GIGYF1: variants seen among roughly 807,000 people sequenced by gnomAD.
The protein encoded by GIGYF1 is GRB10-interacting GYF protein 1.
A neutral mutation model predicts 147.1 loss-of-function variants in GIGYF1; 84 were observed. That is an observed-to-expected ratio of 0.57 (90% CI 0.48 to 0.68). GIGYF1 has a LOEUF of 0.68. Among genes scored for constraint, GIGYF1 ranks in the 30% least tolerant of loss-of-function variants. The pLI, the probability that GIGYF1 is intolerant of heterozygous loss-of-function variation, is 0.00. For missense variants in GIGYF1, 1,485 were observed against 1,393.7 expected (o/e 1.07, Z -1.04); for synonymous variants, 752 against 589.5 (o/e 1.28, Z -3.99).
At position 100,682,638 on chromosome 7, in the gene GIGYF1, A is replaced by C; in HGVS notation, c.2552T>G (p.Leu851Arg). Residue 851 changes from leucine to arginine, a missense_variant, in exon 23 of 27, where the codon CTG becomes CGG. Leu to Arg is a moderately radical substitution (Grantham distance 102, BLOSUM62 -2). Transcript: ENST00000678049. ...WEDTPKSGGS[L>R]VRGLGLKNSR... is the part of the protein sequence containing the mutation. The stretch of plus-strand genomic sequence containing the variant: ...GTTCTTCAGGCCGAGGCCACGGACC[A>C]GGCTCCCGCCGCTCTTGGGGGTGTC... The C allele has an allele frequency of 1.3e-6, 2 of 1,598,088 alleles. No individual in the cohort carries two copies. Among genetic ancestry groups the C allele is most frequent in the South Asian group, 2.2e-5 (2 of 89,718 alleles).
intron 12 of GIGYF1, 61 bp downstream of exon 12, chr7:100,685,913 G>A: frequency 1.4e-6 from 2 of 1,431,688 alleles, no homozygotes; most frequent in East Asian, 2.3e-5. Context: ...GCCCAGCCCG[G>A]CAAAGAACAC....
At position 100,688,127 on chromosome 7, in the gene GIGYF1, G is replaced by C; in HGVS notation, c.36-17C>G. The C allele has an allele frequency of 6.2e-7, 1 of 1,605,830 alleles. No homozygotes were observed. Among genetic ancestry groups the C allele is most frequent in the Non-Finnish European group, 8.5e-7 (1 of 1,174,812 alleles). Reference sequence around the variant, plus strand: ...GCCCTGAGCCTGGACACAACACAGAGAGAAGAAGACAGAGGTCAGGGCAGC... The same window carrying C: ...GCCCTGAGCCTGGACACAACACAGACAGAAGAAGACAGAGGTCAGGGCAGC... On this transcript the variant is annotated splice_polypyrimidine_tract_variant and intron_variant, in intron 4 of 26. Transcript: ENST00000678049.
At chr7:100,692,405 C>A (rs1805895525) in intron 1 of GIGYF1, among the ~76,000 whole-genome samples, 1 of 152,250 alleles carries the variant, frequency 6.6e-6, no homozygotes. Flanking sequence ...GCTGCTCCGA[C>A]AGCGTGCCCC....
In GIGYF1 at chr7:100,681,518, A is replaced by ATTTTTTTTTT; in HGVS notation, c.*200_*201insAAAAAAAAAA. 2.4e-6 allele frequency: 1 copy of ATTTTTTTTTT among 424,898 alleles called. No individual in the cohort carries two copies. The highest frequency in any genetic ancestry group is 4.1e-6 in the Non-Finnish European group (1 of 242,616). The allele number at this position is 424,898 out of a possible 1,614,324, so 26.3% of individuals were successfully genotyped here. ...TCGTTTAAAATTAAAAAAAAAAATA[A>ATTTTTTTTTT]AAAGAAAAACCCCCTCCCCCAGTCT... On this transcript the variant is annotated 3_prime_UTR_variant, in exon 27 of 27. Coordinates refer to ENST00000678049, the MANE Select transcript of GIGYF1 (RefSeq NM_001375765.1).
chr7:100,679,893 A>T lies in GIGYF1; in HGVS notation c.*1826T>A, dbSNP rs372377459. 6.6e-6 allele frequency: 1 copy of T among 152,540 alleles called. No homozygotes were observed. The highest frequency in any genetic ancestry group is 2.4e-5 in the African/African-American group (1 of 41,380). 9.4% of individuals were successfully genotyped at this position (152,540 alleles called of 1,614,324 possible). A position where few individuals can be genotyped will look rare whatever the true frequency, so the allele number is the denominator to read the frequency against. ...TTAGCTGGGGAGAAGAGACAGGAAG[A>T]GTGTCCCCCTTCCCCTGCATTGGCT... is the stretch of plus-strand genomic sequence containing the variant. On this transcript the variant is annotated 3_prime_UTR_variant, in exon 27 of 27. Coordinates refer to ENST00000678049, the MANE Select transcript of GIGYF1 (RefSeq NM_001375765.1).
In GIGYF1 at chr7:100,687,282, C is replaced by G. The variant is rs776575692; in HGVS notation, c.482+16G>C. ...TGGCCTGCCCGGCTCTGCGCCATGC[C>G]CCCTCCCCGCCCCACCTGTCATCCC... On this transcript the variant is annotated intron_variant, in intron 8 of 26. Coordinates refer to ENST00000678049, the MANE Select transcript of GIGYF1 (RefSeq NM_001375765.1). 3 of 1,608,320 alleles carry G rather than the reference C, an allele frequency of 1.9e-6. No homozygotes were observed. The highest frequency in any genetic ancestry group is 2.7e-5 in the African/African-American group (2 of 74,844).
intron 17 of GIGYF1, 32 bp downstream of exon 17, chr7:100,684,205 C>A (rs374063715): frequency 3.1e-6 from 5 of 1,609,802 alleles, no homozygotes; most frequent in East Asian, 4.5e-5. Flanking sequence ...CAGCGCCGGG[C>A]CTTCTCCCAG....
At position 100,684,746 on chromosome 7, in the gene GIGYF1, T is replaced by C. The variant is rs1015249409; in HGVS notation, c.1439A>G (p.Lys480Arg). 2.5e-6 allele frequency: 4 copies of C among 1,612,266 alleles called. No individual in the cohort carries two copies. Among genetic ancestry groups the C allele is most frequent in the African/African-American group, 2.7e-5 (2 of 75,010 alleles). Reference sequence around the variant, plus strand: ...ACCTTGGATCTCGCCCTGTGGGTCCTTGTAGAACCACTTCCGGGCAGCCCC... The same window carrying C: ...ACCTTGGATCTCGCCCTGTGGGTCCCTGTAGAACCACTTCCGGGCAGCCCC... ...SHGAARKWFY[K>R]DPQGEIQGPF... Residue 480 changes from lysine (K) to arginine (R), a missense_variant, in exon 15 of 27, where the codon AAG becomes AGG. Coordinates refer to ENST00000678049, the MANE Select transcript of GIGYF1 (RefSeq NM_001375765.1).
Position 100,681,094 on chromosome 7 carries a change from C to T in GIGYF1, c.*625G>A, listed in dbSNP as rs972006546. On this transcript the variant is annotated 3_prime_UTR_variant, in exon 27 of 27. Transcript: ENST00000678049. The stretch of plus-strand genomic sequence containing the variant: ...CGAAGCCAAGGGGCTACTTTGGCCC[C>T]ACCCCGGACACCTCAGCCAGCCTCA... 6.5e-6 allele frequency: 1 copy of T among 152,754 alleles called. No homozygotes were observed. The highest frequency in any genetic ancestry group is 2.1e-4 in the South Asian group (1 of 4,838). The allele number at this position is 152,754 out of a possible 1,614,324, so 9.5% of individuals were successfully genotyped here.
At chr7:100,684,970 G>C (rs1805175037) in intron 14 of GIGYF1, 76 bp from the exon 15 acceptor site, 5 of 1,557,314 alleles carry the variant, frequency 3.2e-6, no homozygotes, top group Non-Finnish European at 4.3e-6. Context: ...GATGGAGCTT[G>C]AGCTGGGGCC....
Position 100,683,044 on chromosome 7 carries a change from G to T in GIGYF1, c.2380C>A (p.Pro794Thr). 6.4e-7 allele frequency: 1 copy of T among 1,562,642 alleles called. No homozygotes were observed. Among genetic ancestry groups the T allele is most frequent in the African/African-American group, 1.3e-5 (1 of 74,220 alleles). ...TGGTTGGGGGCCTGGGCCCGAGCTG[G>T]CTCCCGAGGTGGGGGCTGTTTGTGC... is the stretch of plus-strand genomic sequence containing the variant. The part of the protein sequence containing the change: ...QLHKQPPPRE[P>T]ARAQAPNHRV... The change falls in exon 22 of 27, where the codon CCA (proline) becomes ACA (threonine). Residue 794 changes from proline to threonine, a missense_variant. Transcript: ENST00000678049.
At chr7:100,682,034 G>A (rs1393616813) in intron 25 of GIGYF1, 38 bp downstream of exon 25, 3 of 1,610,870 alleles carry the variant, frequency 1.9e-6, no homozygotes, top group Non-Finnish European at 1.7e-6. Flanking sequence ...GGAGGCACCA[G>A]GCAAGCCCAC....
chr7:100,683,093 C>T lies in GIGYF1; in HGVS notation c.2331G>A (p.Leu777=), dbSNP rs1804948333. ...QGLSMKTLLE[L]QLEGERQLHK... ...GCAGCTGCCGCTCGCCCTCCAGCTG[C>T]AACTCCAGGAGCGTCTTCATGGACA... is the stretch of plus-strand genomic sequence containing the variant. Residue 777 remains leucine, a synonymous_variant, in exon 22 of 27, where the codon TTG becomes TTA. Coordinates refer to ENST00000678049, the MANE Select transcript of GIGYF1 (RefSeq NM_001375765.1). The T allele has an allele frequency of 6.3e-7, 1 of 1,588,838 alleles. No individual in the cohort carries two copies. Among genetic ancestry groups the T allele is most frequent in the Non-Finnish European group, 8.5e-7 (1 of 1,172,988 alleles).
Position 100,688,079 on chromosome 7 carries a change from C to A in GIGYF1, c.67G>T (p.Ala23Ser). 7 of 1,610,734 alleles carry A rather than the reference C, an allele frequency of 4.3e-6. No homozygotes were observed. The highest frequency in any genetic ancestry group is 4.5e-5 in the East Asian group (2 of 44,822). ...LRALSGGGSVASPPPSPAMPK... is the reference protein window; with the variant it reads ...LRALSGGGSVSSPPPSPAMPK... The stretch of plus-strand genomic sequence containing the variant: ...ATGGCAGGGGACGGGGGTGGGGAGG[C>A]CACGCTGCCGCCCCCGGACAGGGCC... Residue 23 changes from alanine (A) to serine (S), a missense_variant, in exon 5 of 27, where the codon GCC becomes TCC. By Grantham distance (99) the Ala-to-Ser change is moderately conservative. Coordinates refer to ENST00000678049, the MANE Select transcript of GIGYF1 (RefSeq NM_001375765.1).
chr7:100,692,406 A>C (rs930924219), intron 1 of GIGYF1, among the ~76,000 whole-genome samples: 1 of 152,234 alleles, frequency 6.6e-6, no homozygotes, highest in Non-Finnish European at 1.5e-5. Context: ...CTGCTCCGAC[A>C]GCGTGCCCCG....
chr7:100,683,260 G>C (rs1376813877), intron 21 of GIGYF1, 30 bp from the exon 22 acceptor site: 1 of 1,613,238 alleles, frequency 6.2e-7, no homozygotes. Flanking sequence ...AGGGGACCTG[G>C]CGAGGGTTGT....
At position 100,690,738 on chromosome 7, in the gene GIGYF1, C is replaced by T. The variant is rs577480148; in HGVS notation, c.-1098-1183G>A. ...CGGAGGTTGCAGTGAGCTGAGATTG[C>T]GCCCCTGCACTCCAGCCTGGGCAAC... On this transcript the variant is annotated intron_variant, in intron 1 of 26. Coordinates refer to ENST00000678049, the MANE Select transcript of GIGYF1 (RefSeq NM_001375765.1). Among the ~76,000 whole-genome samples, 17 of 149,946 alleles carry T rather than the reference C, an allele frequency of 1.1e-4. No homozygotes were observed. The East Asian group carries it at 2.9e-3, about 26-fold the overall frequency.
rs757155032 is a variant in GIGYF1, at chr7:100,684,091, C to CGGT, written c.1794_1796dup (p.Pro602dup). 284 of 1,606,184 alleles carry CGGT rather than the reference C, an allele frequency of 1.8e-4. No individual in the cohort carries two copies. Among genetic ancestry groups the CGGT allele is most frequent in the Admixed American group, 2.3e-4 (14 of 59,870 alleles). On this transcript the variant is annotated inframe_insertion, in exon 18 of 27. Transcript: ENST00000678049. Reference sequence around the variant, plus strand: ...GCTGCTGCTGCTGCTGTGGCGGCGGCGGTGGTGGCGGTGTCAGGTCCCCCA... The same window carrying CGGT: ...GCTGCTGCTGCTGCTGTGGCGGCGGCGGTGGTGGTGGCGGTGTCAGGTCCCCCA...
chr7:100,684,294 G>A lies in GIGYF1; in HGVS notation c.1673C>T (p.Ala558Val). 1 of 1,603,624 alleles carries A rather than the reference G, an allele frequency of 6.2e-7. No homozygotes were observed. The highest frequency in any genetic ancestry group is 8.5e-7 in the Non-Finnish European group (1 of 1,176,058). ...QERLKKQQEL[A>V]AAALYQQLQH... The stretch of plus-strand genomic sequence containing the variant: ...CAGCTGCTGGTACAAGGCCGCCGCG[G>A]CCAGCTCCTGTTGCTTCTTCAGCCG... The change falls in exon 17 of 27, where the codon GCC becomes GTC. Residue 558 changes from alanine to valine, a missense_variant. Transcript: ENST00000678049.
Sources: gnomAD v4.1 joint callset for allele counts (sites outside exome capture counted in the v4.1 genomes callset) on GRCh38, gnomAD v4.1.1 for gene constraint, MANE v1.5 for transcripts, NCBI Gene and HGNC (gene_info 2026-07-23, HGNC 2026-07-21) for gene names.